GRM5: variants seen among roughly 807,000 people sequenced by gnomAD.
GRM5 encodes the protein glutamate metabotropic receptor 5.
Under a neutral mutation model 83.1 loss-of-function variants are expected in GRM5, and 19 were observed. The observed-to-expected ratio is 0.23, with a 90% CI of 0.16 to 0.34. The LOEUF (loss-of-function observed/expected upper bound fraction) is 0.34, where lower values mean the gene tolerates loss of function less well. Among genes scored for constraint, GRM5 ranks in the 10% least tolerant of loss-of-function variants. The pLI, the probability that GRM5 is intolerant of heterozygous loss-of-function variation, is 1.00. For synonymous variants in GRM5, 675 were observed against 633.6 expected (o/e 1.07, Z -0.98); for missense variants, 1,160 against 1,588.3 (o/e 0.73, Z 4.58).
In GRM5 at chr11:88,508,450, A is replaced by T; in HGVS notation, c.*142T>A. ...TCGTCGGTTGTCATGAGATAGCACT[A>T]CTGATCTCGTGTTTCCATTAAGGGG... is the stretch of plus-strand genomic sequence containing the variant. On this transcript the variant is annotated 3_prime_UTR_variant, in exon 10 of 10. Transcript: ENST00000305447. The surrounding 1 kb of genome is among the most constrained non-coding windows in gnomAD (Gnocchi z 4.2). 1.7e-6 allele frequency: 1 copy of T among 587,232 alleles called. No individual in the cohort carries two copies. 36.4% of individuals were successfully genotyped at this position (587,232 alleles called of 1,614,324 possible).
At chr11:88,907,447 A>C (rs1945424685) in intron 2 of GRM5, among the ~76,000 whole-genome samples, 2 of 152,204 alleles carry the variant, frequency 1.3e-5, no homozygotes, top group South Asian at 4.1e-4. Context: ...AGAGAGAGAG[A>C]ATTCTGAAAA....
chr11:88,968,297 T>A (rs1189706665), intron 2 of GRM5, among the ~76,000 whole-genome samples: 1 of 152,138 alleles, frequency 6.6e-6, no homozygotes, highest in Non-Finnish European at 1.5e-5. Context: ...ATATATTGTA[T>A]AATTTCATTT....
intron 3 of GRM5, among the ~76,000 whole-genome samples, chr11:88,677,898 G>A (rs1017483344): frequency 6.6e-6 from 1 of 152,050 alleles, no homozygotes; most frequent in African/African-American, 2.4e-5. Context: ...ATGGAATGCT[G>A]TTACTATATT....
chr11:88,802,629 C>A (rs1943419393), intron 3 of GRM5, among the ~76,000 whole-genome samples: 2 of 152,072 alleles, frequency 1.3e-5, no homozygotes, highest in Non-Finnish European at 2.9e-5. Flanking sequence ...TGGCACAAGA[C>A]AAGGATGCCC....
At chr11:89,004,020 C>T (rs1264728740) in intron 2 of GRM5, among the ~76,000 whole-genome samples, 2 of 152,076 alleles carry the variant, frequency 1.3e-5, no homozygotes, top group Non-Finnish European at 2.9e-5. Context: ...GGATAATGAA[C>T]ATTGAAGGGT....
intron 4 of GRM5, among the ~76,000 whole-genome samples, chr11:88,605,646 CAG>C (rs1204382498): frequency 6.6e-6 from 1 of 151,986 alleles, no homozygotes; most frequent in Non-Finnish European, 1.5e-5. Context: ...TGTCCAATAA[CAG>C]AGATAAATTA....
At chr11:88,588,854 T>C (rs1202868927) in intron 7 of GRM5, among the ~76,000 whole-genome samples, 1 of 152,146 alleles carries the variant, frequency 6.6e-6, no homozygotes, top group African/African-American at 2.4e-5. Flanking sequence ...GATGGTAAGA[T>C]GTATGAGGAC....
chr11:89,042,407 A>G, intron 2 of GRM5, among the ~76,000 whole-genome samples: 1 of 152,224 alleles, frequency 6.6e-6, no homozygotes, highest in Admixed American at 6.5e-5. Flanking sequence ...GCAACTAATT[A>G]TCTGACAAGC....
chr11:89,054,152 C>G (rs1483417519), intron 1 of GRM5, among the ~76,000 whole-genome samples: 1 of 152,108 alleles, frequency 6.6e-6, no homozygotes, highest in Non-Finnish European at 1.5e-5. Flanking sequence ...GAAACTTGCA[C>G]TAACTTAGGT....
intron 3 of GRM5, among the ~76,000 whole-genome samples, chr11:88,829,759 A>G (rs12288830): frequency 0.025 from 3,875 of 152,248 alleles, 173 homozygotes; most frequent in African/African-American, 0.089. Context: ...ACAAGAAAAC[A>G]AAACTTTGCC....
At chr11:88,772,207 T>G (rs541904480) in intron 3 of GRM5, among the ~76,000 whole-genome samples, 1 of 152,120 alleles carries the variant, frequency 6.6e-6, no homozygotes, top group African/African-American at 2.4e-5. Flanking sequence ...AATTCAGGAC[T>G]AATATGTGAT....
At chr11:89,061,803 T>A (rs868816021) in intron 1 of GRM5, among the ~76,000 whole-genome samples, 1 of 152,200 alleles carries the variant, frequency 6.6e-6, no homozygotes. Context: ...CTTTCATAAG[T>A]GAACATTGAA....
intron 8 of GRM5, among the ~76,000 whole-genome samples, chr11:88,561,926 T>A (rs1942765605): frequency 6.6e-6 from 1 of 152,104 alleles, no homozygotes; most frequent in Non-Finnish European, 1.5e-5. Context: ...CCTTAGGTGC[T>A]CAGAGAGCTC....
intron 8 of GRM5, among the ~76,000 whole-genome samples, chr11:88,554,986 C>T (rs1942593236): frequency 6.6e-6 from 1 of 152,096 alleles, no homozygotes; most frequent in Non-Finnish European, 1.5e-5. Flanking sequence ...GGAACAATTA[C>T]CCACTTGACA....
chr11:88,702,509 T>C (rs1333107076), intron 3 of GRM5, among the ~76,000 whole-genome samples: 3 of 152,082 alleles, frequency 2.0e-5, no homozygotes, highest in Non-Finnish European at 4.4e-5. Context: ...AAATGTTTGG[T>C]GTTTACTTGG....
intron 3 of GRM5, among the ~76,000 whole-genome samples, chr11:88,796,871 A>G (rs576136205): frequency 6.7e-6 from 1 of 148,240 alleles, no homozygotes; most frequent in South Asian, 2.2e-4. Context: ...GTGATTACCT[A>G]GATGAAAGGA....
intron 2 of GRM5, among the ~76,000 whole-genome samples, chr11:88,872,629 C>T (rs1475014129): frequency 2.0e-5 from 3 of 150,918 alleles, no homozygotes; most frequent in Admixed American, 1.3e-4. Flanking sequence ...AATAAACAGA[C>T]CTGAATCACT....
chr11:88,857,469 G>A (rs1013754557), intron 2 of GRM5, among the ~76,000 whole-genome samples: 1 of 152,038 alleles, frequency 6.6e-6, no homozygotes, highest in Non-Finnish European at 1.5e-5. Flanking sequence ...TTCATCAAGA[G>A]ATCTTAGCCC....
intron 2 of GRM5, among the ~76,000 whole-genome samples, chr11:88,887,401 T>G (rs758094981): frequency 2.6e-5 from 4 of 152,116 alleles, no homozygotes; most frequent in Non-Finnish European, 5.9e-5. Context: ...GCCCAACTAT[T>G]ATGTAGTTTT....
Sources: gnomAD v4.1 joint callset for allele counts (sites outside exome capture counted in the v4.1 genomes callset) on GRCh38, gnomAD v4.1.1 for gene constraint, Gnocchi (gnomAD v3.1) non-coding constraint, MANE v1.5 for transcripts, NCBI Gene and HGNC (gene_info 2026-07-23, HGNC 2026-07-21) for gene names.